Variants in KLF12 observed in about 807,000 individuals in gnomAD.
KLF12 encodes Krueppel-like factor 12.
KLF12 carries 9 observed loss-of-function variants against 37.8 expected under a neutral mutation model. The ratio of observed to expected loss-of-function variants is 0.24; its 90% CI spans 0.14 to 0.42. The LOEUF (loss-of-function observed/expected upper bound fraction) is 0.42. Ranked by LOEUF, KLF12 falls within the 10% of genes least tolerant of loss-of-function variation. The pLI, the probability that KLF12 is intolerant of heterozygous loss-of-function variation, is 1.00. For missense variants in KLF12, 411 were observed against 516.0 expected (o/e 0.80, Z 1.97); for synonymous variants, 208 against 202.1 (o/e 1.03, Z -0.25).
At chr13:74,233,235 C>T in the KLF12 span, among the ~76,000 whole-genome samples, 4 of 152,016 alleles carry the variant, frequency 2.6e-5, no homozygotes, top group African/African-American at 4.8e-5. Context: ...TTGTTGTTGT[C>T]GGCCTACATG....
chr13:74,053,026 C>G (rs1333536462), intron 1 of KLF12, among the ~76,000 whole-genome samples: 2 of 152,174 alleles, frequency 1.3e-5, no homozygotes, highest in Non-Finnish European at 2.9e-5. Context: ...TATTCCGCAC[C>G]AGGAGGGCCC....
At chr13:73,919,581 C>T (rs532285691) in intron 3 of KLF12, among the ~76,000 whole-genome samples, 3 of 152,290 alleles carry the variant, frequency 2.0e-5, no homozygotes, top group South Asian at 4.1e-4. Context: ...TTGGCTACAT[C>T]ACTGTACAGT....
Position 73,846,349 on chromosome 13 carries a change from C to T in KLF12, c.148G>A (p.Asp50Asn), listed in dbSNP as rs574902537. The T allele has an allele frequency of 3.0e-5, 49 of 1,613,216 alleles. No homozygotes were observed. Among genetic ancestry groups the T allele is most frequent in the Non-Finnish European group, 3.7e-5 (44 of 1,179,880 alleles). Reference sequence around the variant, plus strand: ...AGCAACAGGGGAACGGCTTCCATATCGGGATAGTTGTGGACGTTTGGAGAC... The same window carrying T: ...AGCAACAGGGGAACGGCTTCCATATTGGGATAGTTGTGGACGTTTGGAGAC... The change falls in exon 4 of 8, where the codon GAT (aspartate) becomes AAT (asparagine). Residue 50 changes from aspartate (D) to asparagine (N), a missense_variant. Transcript: ENST00000377669.
intron 3 of KLF12, among the ~76,000 whole-genome samples, chr13:73,908,616 G>C (rs1888425442): frequency 2.6e-5 from 4 of 151,628 alleles, no homozygotes. Context: ...GAGTAGCTGG[G>C]ATTACAGGCA....
At chr13:73,892,470 C>A (rs1594218591) in intron 3 of KLF12, among the ~76,000 whole-genome samples, 1 of 152,120 alleles carries the variant, frequency 6.6e-6, no homozygotes, top group South Asian at 2.1e-4. Context: ...CATTTTACCA[C>A]CACTAAGACT....
At chr13:74,006,464 TA>T (rs895943758) in intron 1 of KLF12, among the ~76,000 whole-genome samples, 56 of 152,312 alleles carry the variant, frequency 3.7e-4, no homozygotes, top group African/African-American at 1.3e-3. Flanking sequence ...ATTTCCCACT[TA>T]AATCTCTACT....
At chr13:73,829,153 T>C (rs1004102944) in intron 4 of KLF12, among the ~76,000 whole-genome samples, 38 of 152,200 alleles carry the variant, frequency 2.5e-4, no homozygotes, top group African/African-American at 9.2e-4. Flanking sequence ...GTGGGTACTG[T>C]ACGTTGTGCA....
the KLF12 span, among the ~76,000 whole-genome samples, chr13:74,150,236 ATCTC>A: frequency 6.6e-6 from 1 of 152,308 alleles, no homozygotes; most frequent in Middle Eastern, 3.4e-3. Context: ...ATTAGTGAAT[ATCTC>A]TCTAATACAT....
chr13:74,303,961 C>T, the KLF12 span, among the ~76,000 whole-genome samples: 13 of 152,176 alleles, frequency 8.5e-5, no homozygotes, highest in Admixed American at 8.5e-4. Flanking sequence ...ACAGTTGCAT[C>T]TCAGAGTGAG....
intron 3 of KLF12, among the ~76,000 whole-genome samples, chr13:73,918,079 T>C (rs549190719): frequency 6.6e-6 from 1 of 151,328 alleles, no homozygotes; most frequent in South Asian, 2.1e-4. Context: ...CACCAACATC[T>C]ACACACACAC....
At chr13:73,746,854 GC>G (rs34508543) in intron 6 of KLF12, among the ~76,000 whole-genome samples, 12,962 of 123,430 alleles carry the variant, frequency 0.11, 688 homozygotes, top group Middle Eastern at 0.19. Flanking sequence ...TTGCTCTGTC[GC>G]CCAGGCTGGA....
chr13:73,865,734 T>C (rs1886144273), intron 3 of KLF12, among the ~76,000 whole-genome samples: 1 of 152,064 alleles, frequency 6.6e-6, no homozygotes, highest in Admixed American at 6.6e-5. Flanking sequence ...AAAATAACAA[T>C]CATAAAATGC....
chr13:74,204,154 T>C, the KLF12 span, among the ~76,000 whole-genome samples: 1,035 of 152,268 alleles, frequency 6.8e-3, 12 homozygotes, highest in African/African-American at 0.023. Flanking sequence ...GTTTTTTATT[T>C]ACTATGTGTC....
At chr13:74,094,066 T>G (rs2138835195) in intron 1 of KLF12, among the ~76,000 whole-genome samples, 1 of 152,294 alleles carries the variant, frequency 6.6e-6, no homozygotes, top group South Asian at 2.1e-4. Flanking sequence ...TATATAATTT[T>G]AAAGCCATTT....
intron 1 of KLF12, among the ~76,000 whole-genome samples, chr13:74,039,067 C>G: frequency 6.6e-6 from 1 of 151,518 alleles, no homozygotes. Context: ...CAGACGATTT[C>G]ATTTTAAATT....
At chr13:73,840,932 C>A (rs991759839) in intron 4 of KLF12, among the ~76,000 whole-genome samples, 1 of 152,130 alleles carries the variant, frequency 6.6e-6, no homozygotes, top group African/African-American at 2.4e-5. Flanking sequence ...CTGCAGCTCT[C>A]TCTTTTTGCA....
At chr13:74,265,461 A>G in the KLF12 span, among the ~76,000 whole-genome samples, 1 of 152,244 alleles carries the variant, frequency 6.6e-6, no homozygotes, top group Non-Finnish European at 1.5e-5. Flanking sequence ...GGAAAAACAG[A>G]GTCATTACTC....
the KLF12 span, among the ~76,000 whole-genome samples, chr13:74,184,063 T>C: frequency 5.9e-5 from 9 of 152,166 alleles, no homozygotes; most frequent in Admixed American, 5.9e-4. Flanking sequence ...TCAGGGAACT[T>C]GATAAAAATA....
intron 3 of KLF12, among the ~76,000 whole-genome samples, chr13:73,846,878 G>A (rs1885056926): frequency 6.6e-6 from 1 of 152,074 alleles, no homozygotes; most frequent in African/African-American, 2.4e-5. Context: ...TTAAATGGAA[G>A]TCATTTCTAA....
Sources: gnomAD v4.1 joint callset for allele counts (sites outside exome capture counted in the v4.1 genomes callset) on GRCh38, gnomAD v4.1.1 for gene constraint, MANE v1.5 for transcripts, NCBI Gene and HGNC (gene_info 2026-07-23, HGNC 2026-07-21) for gene names.